The following KRT79 variants were observed in gnomAD, a reference collection of about 807,000 sequenced individuals.
KRT79 encodes keratin 79, also known as keratin, type II cytoskeletal 79.
In KRT79, 51 loss-of-function variants were observed where a neutral mutation model predicts 49.0. The observed-to-expected ratio is 1.04, with a 90% CI of 0.83 to 1.31. KRT79 has a LOEUF of 1.31. Ranked by LOEUF, KRT79 falls within the 40% of genes most tolerant of loss-of-function variation. The pLI is 0.00. For missense variants in KRT79, 728 were observed against 688.0 expected (o/e 1.06, Z -0.65); for synonymous variants, 312 against 286.6 (o/e 1.09, Z -0.90).
At position 52,833,942 on chromosome 12, in the gene KRT79, G is replaced by A; in HGVS notation, c.319C>T (p.Pro107Ser). Residue 107 changes from proline to serine, a missense_variant, in exon 1 of 9, where the codon CCT (proline) becomes TCT (serine). Transcript: ENST00000330553. ...TGGATCCCCCCAGGAGGACAAGCAG[G>A]CCCAAACGTCTGCCTGCCAGCCCCC... ...GQGAGRQTFG[P>S]ACPPGGIQEV... The A allele has an allele frequency of 6.2e-7, 1 of 1,613,350 alleles. No homozygotes were observed. The highest frequency in any genetic ancestry group is 8.5e-7 in the Non-Finnish European group (1 of 1,179,546).
At chr12:52,829,997 C>T (rs776744166) in intron 4 of KRT79, 26 bp downstream of exon 4, 3 of 1,603,462 alleles carry the variant, frequency 1.9e-6, no homozygotes, top group East Asian at 2.2e-5. Context: ...TGTATGCAAA[C>T]TCTCCCTGCC....
intron 8 of KRT79, 118 bp from the exon 9 acceptor site, chr12:52,822,195 A>G (rs1274836140): frequency 1.6e-6 from 2 of 1,287,398 alleles, no homozygotes; most frequent in Non-Finnish European, 2.2e-6. Context: ...GGAAATGGAT[A>G]GAGAAGCCCA....
In KRT79 at chr12:52,830,449, G is replaced by A. The variant is rs73305823; in HGVS notation, c.699-157C>T. On this transcript the variant is annotated intron_variant, in intron 2 of 8. Transcript: ENST00000330553. Reference sequence around the variant, plus strand: ...TGTAGCCAACCAGTGAAGAAACATGGGGTCTGCCTTGATTTAAACATTCTC... The same window carrying A: ...TGTAGCCAACCAGTGAAGAAACATGAGGTCTGCCTTGATTTAAACATTCTC... 1,376 of 621,838 alleles carry A rather than the reference G, an allele frequency of 2.2e-3. 15 individuals carry two copies. The African/African-American group carries it at 0.023, about 10-fold the overall frequency. 38.5% of individuals were successfully genotyped at this position (621,838 alleles called of 1,614,324 possible). A position where few individuals can be genotyped will look rare whatever the true frequency, so the allele number is the denominator to read the frequency against.
chr12:52,824,547 T>C (rs1420210314), intron 4 of KRT79, among the ~76,000 whole-genome samples, 185 bp from the exon 5 acceptor site: 1 of 152,170 alleles, frequency 6.6e-6, no homozygotes, highest in Admixed American at 6.5e-5. Flanking sequence ...AAAATGAAGC[T>C]CCCATTTTTA....
At chr12:52,828,723 G>A (rs1002087744) in intron 4 of KRT79, among the ~76,000 whole-genome samples, 1 of 152,176 alleles carries the variant, frequency 6.6e-6, no homozygotes, top group African/African-American at 2.4e-5. Flanking sequence ...GAAAGCCAAC[G>A]TTGTGAAACA....
intron 8 of KRT79, 96 bp downstream of exon 8, chr12:52,822,249 G>A (rs767061484): frequency 4.3e-6 from 6 of 1,380,410 alleles, no homozygotes; most frequent in Non-Finnish European, 2.0e-6. Flanking sequence ...TCGAATGGAG[G>A]AGAGCATGCT....
At chr12:52,826,048 TC>T (rs1339988032) in intron 4 of KRT79, among the ~76,000 whole-genome samples, 1 of 143,734 alleles carries the variant, frequency 7.0e-6, no homozygotes, top group Non-Finnish European at 1.5e-5. Flanking sequence ...TTTGTCTCCT[TC>T]CCCACCGAGA....
chr12:52,834,119 C>T lies in KRT79; in HGVS notation c.142G>A (p.Ala48Thr). Residue 48 changes from alanine to threonine, a missense_variant, in exon 1 of 9, where the codon GCC becomes ACC. Transcript: ENST00000330553. ...CCACCTGTGCCGGGGCCACAGTGGG[C>T]CCCGCCACCACTGCCACTGCTCCGA... ...VSRSSGSGGG[A>T]HCGPGTGGFG... 2.5e-6 allele frequency: 4 copies of T among 1,613,236 alleles called. No homozygotes were observed. The highest frequency in any genetic ancestry group is 3.4e-6 in the Non-Finnish European group (4 of 1,179,838).
At position 52,821,819 on chromosome 12, in the gene KRT79, TGG is replaced by T; in HGVS notation, c.*51_*52del. ...AAGTGACTGGAAAGGACAGCAGAGG[TGG>T]GGTGAGGAGGGCAGGGACAGGATTG... On this transcript the variant is annotated 3_prime_UTR_variant, in exon 9 of 9. Transcript: ENST00000330553. 6.6e-7 allele frequency: 1 copy of T among 1,506,760 alleles called. No homozygotes were observed. Among genetic ancestry groups the T allele is most frequent in the South Asian group, 1.2e-5 (1 of 86,498 alleles). 93.3% of individuals were successfully genotyped at this position (1,506,760 alleles called of 1,614,324 possible).
Position 52,821,833 on chromosome 12 carries a change from C to A in KRT79, c.*39G>T, listed in dbSNP as rs751046717. 7.7e-5 allele frequency: 121 copies of A among 1,580,434 alleles called. No homozygotes were observed. Among genetic ancestry groups the A allele is most frequent in the Non-Finnish European group, 9.5e-5 (110 of 1,154,164 alleles). On this transcript the variant is annotated 3_prime_UTR_variant, in exon 9 of 9. Transcript: ENST00000330553. ...GACAGCAGAGGTGGGGTGAGGAGGG[C>A]AGGGACAGGATTGCAGGGGCCCTTG... is the stretch of plus-strand genomic sequence containing the variant.
chr12:52,823,090 C>G lies in KRT79; in HGVS notation c.1293G>C (p.Glu431Asp), dbSNP rs181303349. The G allele has an allele frequency of 6.2e-7, 1 of 1,614,216 alleles. No homozygotes were observed. Among genetic ancestry groups the G allele is most frequent in the African/African-American group, 1.3e-5 (1 of 75,066 alleles). Residue 431 changes from glutamate to aspartate, a missense_variant, in exon 7 of 9, where the codon GAG becomes GAC. Coordinates refer to ENST00000330553, the MANE Select transcript of KRT79 (RefSeq NM_175834.3). The stretch of plus-strand genomic sequence containing the variant: ...CCAGGGCCAGCTTGACATTCATCAG[C>G]TCCTGGTAGTCACGCAGCAGCCGTG... ...DLTRLLRDYQ[E>D]LMNVKLALDV...
rs985670214 is a variant in KRT79 at position 52,822,958 on chromosome 12, G to A, written c.1367+58C>T. Reference sequence around the variant, plus strand: ...CTTGACCCCGGAGCAGACTCCCTGGGCTCTCCCCCAGGGCAGGCCCGACCC... The same window carrying A: ...CTTGACCCCGGAGCAGACTCCCTGGACTCTCCCCCAGGGCAGGCCCGACCC... On this transcript the variant is annotated intron_variant, in intron 7 of 8. Coordinates refer to ENST00000330553, the MANE Select transcript of KRT79 (RefSeq NM_175834.3). 2.1e-4 allele frequency: 332 copies of A among 1,549,646 alleles called. 2 individuals are homozygous for A. Among genetic ancestry groups the A allele is most frequent in the Middle Eastern group, 2.3e-4 (1 of 4,400 alleles).
At chr12:52,831,317 G>A (rs906747727) in intron 2 of KRT79, 89 bp downstream of exon 2, 30 of 1,285,714 alleles carry the variant, frequency 2.3e-5, no homozygotes, top group Non-Finnish European at 3.1e-5. Context: ...AGGTGGGCCT[G>A]GGACCCTGGG....
rs761926542 is a variant in KRT79, at chr12:52,831,653, G to A, written c.478-27C>T. 17 of 1,575,488 alleles carry A rather than the reference G, an allele frequency of 1.1e-5. No individual in the cohort carries two copies. The East Asian group carries it at 3.8e-4, about 35-fold the overall frequency. On this transcript the variant is annotated intron_variant, in intron 1 of 8. Coordinates refer to ENST00000330553, the MANE Select transcript of KRT79 (RefSeq NM_175834.3). ...TGAGCCAGAGCAGAAAGGGTGGGCT[G>A]ATGTCACCCTCCGGTCACCAGAGGA...
chr12:52,828,581 G>A (rs1338164602), intron 4 of KRT79, among the ~76,000 whole-genome samples: 1 of 152,188 alleles, frequency 6.6e-6, no homozygotes, highest in African/African-American at 2.4e-5. Context: ...GCATTTCATA[G>A]GAAAGAAAGG....
At position 52,824,357 on chromosome 12, in the gene KRT79, C is replaced by T; in HGVS notation, c.861G>A (p.Leu287=). ...DFLQQLYEME[L]SQVQTHVSNT... Reference sequence around the variant, plus strand: ...TAGACACGTGGGTCTGCACTTGGCTCAGCTCCTGAAGAATCAGAGACAGCT... The same window carrying T: ...TAGACACGTGGGTCTGCACTTGGCTTAGCTCCTGAAGAATCAGAGACAGCT... Residue 287 remains leucine (L), a synonymous_variant, in exon 5 of 9, where the codon CTG becomes CTA. Transcript: ENST00000330553. The T allele has an allele frequency of 1.9e-6, 3 of 1,613,836 alleles. No individual in the cohort carries two copies. Among genetic ancestry groups the T allele is most frequent in the South Asian group, 1.1e-5 (1 of 91,038 alleles).
In KRT79 at chr12:52,821,620, TCACCCCC is replaced by T; in HGVS notation, c.*245_*251del. 1 of 377,312 alleles carries T rather than the reference TCACCCCC, an allele frequency of 2.7e-6. No homozygotes were observed. Among genetic ancestry groups the T allele is most frequent in the South Asian group, 5.2e-5 (1 of 19,100 alleles). The allele number at this position is 377,312 out of a possible 1,614,324, so 23.4% of individuals were successfully genotyped here. ...CAGCCTCCTCTCGGTGGTCAAAAGG[TCACCCCC>T]AAGTCACCCAAGCACATCACTCAAG... On this transcript the variant is annotated 3_prime_UTR_variant, in exon 9 of 9. Coordinates refer to ENST00000330553, the MANE Select transcript of KRT79 (RefSeq NM_175834.3).
intron 1 of KRT79, among the ~76,000 whole-genome samples, chr12:52,832,298 G>A (rs1940266457): frequency 6.6e-6 from 1 of 151,980 alleles, no homozygotes. Flanking sequence ...TAAGAAAATT[G>A]GTGAACTGGG....
intron 7 of KRT79, 133 bp downstream of exon 7, chr12:52,822,883 T>A (rs144510094): frequency 7.3e-6 from 6 of 826,746 alleles, no homozygotes; most frequent in South Asian, 7.2e-5. Context: ...ACAAGCAGAT[T>A]TTCCCCCCGC....
Sources: allele counts gnomAD v4.1 joint callset (sites outside exome capture counted in the v4.1 genomes callset), GRCh38; gene constraint gnomAD v4.1.1; transcripts MANE v1.5; gene names NCBI Gene and HGNC (gene_info 2026-07-23, HGNC 2026-07-21).